The following MYO1C variants were observed in gnomAD, a reference collection of about 807,000 sequenced individuals.
The protein encoded by MYO1C is unconventional myosin-Ic.
A neutral mutation model predicts 150.8 loss-of-function variants in MYO1C; 104 were observed. That is an observed-to-expected ratio of 0.69 (90% confidence interval 0.59 to 0.81). MYO1C has a LOEUF of 0.81. Ranked by LOEUF, MYO1C falls within the 30% of genes least tolerant of loss-of-function variation. The pLI is 0.00. For synonymous variants in MYO1C, 663 were observed against 579.9 expected (o/e 1.14, Z -2.06); for missense variants, 1,504 against 1,435.0 (o/e 1.05, Z -0.78).
intron 3 of MYO1C, 98 bp downstream of exon 3, chr17:1,483,512 C>T (rs535388822): frequency 3.2e-5 from 28 of 869,224 alleles, no homozygotes; most frequent in Middle Eastern, 2.8e-4. Flanking sequence ...AGATGTGGCG[C>T]GGGACGCCAG....
rs754699571 is a variant in MYO1C, at chr17:1,480,817, A to G, written c.696T>C (p.His232=). The G allele has an allele frequency of 2.0e-5, 33 of 1,614,080 alleles. No homozygotes were observed. Among genetic ancestry groups the G allele is most frequent in the Non-Finnish European group, 2.4e-5 (28 of 1,180,006 alleles). The change falls in exon 6 of 32, where the codon CAT becomes CAC. Residue 232 remains histidine, a synonymous_variant. Transcript: ENST00000648651. ...AGAAGATGTGGAAGTTCCGCTCCCC[A>G]TGATTCTGGTGCACCACTCGTGACT... is the stretch of plus-strand genomic sequence containing the variant. ...LEKSRVVHQN[H]GERNFHIFYQ...
intron 5 of MYO1C, among the ~76,000 whole-genome samples, chr17:1,481,813 T>G (rs984694220): frequency 7.1e-6 from 1 of 141,454 alleles, no homozygotes; most frequent in African/African-American, 2.7e-5. Context: ...ATGACTCCCC[T>G]TCTACTCAGA....
At chr17:1,487,459 G>A (rs1034765690) in intron 1 of MYO1C, among the ~76,000 whole-genome samples, 8 of 152,354 alleles carry the variant, frequency 5.3e-5, no homozygotes, top group Admixed American at 2.0e-4. Flanking sequence ...TTGCGGGGAA[G>A]GCTCGTCACT....
At chr17:1,484,838 A>G (rs2074617470) in intron 1 of MYO1C, among the ~76,000 whole-genome samples, 1 of 152,168 alleles carries the variant, frequency 6.6e-6, no homozygotes, top group South Asian at 2.1e-4. Flanking sequence ...CAAATGGCTC[A>G]GGGTCAATTC....
intron 20 of MYO1C, 26 bp from the exon 21 acceptor site, chr17:1,471,173 G>C: frequency 6.2e-7 from 1 of 1,613,900 alleles, no homozygotes; most frequent in Non-Finnish European, 8.5e-7. Context: ...TGATCAGCCC[G>C]GGGTTGCCAC....
At position 1,479,805 on chromosome 17, in the gene MYO1C, G is replaced by A. The variant is rs191466924; in HGVS notation, c.907-100C>T. 618 of 792,160 alleles carry A rather than the reference G, an allele frequency of 7.8e-4. 1 individual carries two copies. Among genetic ancestry groups the A allele is most frequent in the South Asian group, 2.1e-3 (136 of 64,208 alleles). The allele number at this position is 792,160 out of a possible 1,614,324, so 49.1% of individuals were successfully genotyped here. ...ATGCAGGGGTGGGTGGTGAAGTGTC[G>A]GAGAGAAGGGGCTGGAAGTGGGAAT... On this transcript the variant is annotated intron_variant, in intron 7 of 31. Transcript: ENST00000648651. The surrounding 1 kb of genome is among the most constrained non-coding windows in gnomAD (Gnocchi z 4.2).
chr17:1,481,092 C>T (rs1292603209), intron 5 of MYO1C: 2 of 594,712 alleles, frequency 3.4e-6, no homozygotes, highest in Admixed American at 3.0e-5. Context: ...CTCCAACGAC[C>T]TGGCTGCTCC....
intron 1 of MYO1C, among the ~76,000 whole-genome samples, chr17:1,488,919 C>T (rs1408622748): frequency 6.6e-6 from 1 of 152,196 alleles, no homozygotes; most frequent in Non-Finnish European, 1.5e-5. Context: ...CTATCTAGTG[C>T]CCTTCAGCTC....
chr17:1,466,496 A>G (rs1352347331), intron 31 of MYO1C, among the ~76,000 whole-genome samples: 1 of 151,544 alleles, frequency 6.6e-6, no homozygotes, highest in Non-Finnish European at 1.5e-5. Context: ...ACACTCGGCT[A>G]ATTTTGTATT....
rs374006987 is a variant in MYO1C at position 1,479,797 on chromosome 17, G to A, written c.907-92C>T. ...AGATGGCCATGCAGGGGTGGGTGGT[G>A]AAGTGTCGGAGAGAAGGGGCTGGAA... On this transcript the variant is annotated intron_variant, in intron 7 of 31. Coordinates refer to ENST00000648651, the MANE Select transcript of MYO1C (RefSeq NM_001080779.2). The surrounding 1 kb of genome is among the most constrained non-coding windows in gnomAD (Gnocchi z 4.2). The A allele has an allele frequency of 2.3e-6, 2 of 859,634 alleles. No homozygotes were observed. The highest frequency in any genetic ancestry group is 3.3e-5 in the African/African-American group (2 of 60,152). 53.3% of individuals were successfully genotyped at this position (859,634 alleles called of 1,614,324 possible).
In MYO1C at chr17:1,478,422, A is replaced by C; in HGVS notation, c.1283T>G (p.Phe428Cys). 1 of 1,614,204 alleles carries C rather than the reference A, an allele frequency of 6.2e-7. No homozygotes were observed. The highest frequency in any genetic ancestry group is 2.2e-5 in the East Asian group (1 of 44,886). The change falls in exon 11 of 32, where the codon TTT becomes TGT. Residue 428 changes from phenylalanine to cysteine, a missense_variant. Physicochemically the swap from Phe to Cys is radical, Grantham distance 205 (BLOSUM62 -2). Transcript: ENST00000648651. This position sits in a 1 kb window ranked among gnomAD's most constrained non-coding sequence, Gnocchi z 6.3. ...AGATGGCACCGACCTGTTATGCTGA[A>C]ACACTTCAAAGCCATAAATATCCAG... ...GLLDIYGFEV[F>C]QHNSFEQFCI...
Position 1,474,808 on chromosome 17 carries a change from T to G in MYO1C, c.1716+4A>C, listed in dbSNP as rs772560714. 1 of 1,166,430 alleles carries G rather than the reference T, an allele frequency of 8.6e-7. No homozygotes were observed. Among genetic ancestry groups the G allele is most frequent in the Admixed American group, 1.8e-5 (1 of 54,970 alleles). 72.3% of individuals were successfully genotyped at this position (1,166,430 alleles called of 1,614,324 possible). A position where few individuals can be genotyped will look rare whatever the true frequency, so the allele number is the denominator to read the frequency against. Reference sequence around the variant, plus strand: ...CCACCCCGGCCTCCCCACGTCCTCCTCACCTCCTTAAGGTTCCGGAAGAGA... The same window carrying G: ...CCACCCCGGCCTCCCCACGTCCTCCGCACCTCCTTAAGGTTCCGGAAGAGA... On this transcript the variant is annotated splice_donor_region_variant and intron_variant, in intron 16 of 31. Coordinates refer to ENST00000648651, the MANE Select transcript of MYO1C (RefSeq NM_001080779.2).
At chr17:1,483,873 T>C (rs1598345360) in intron 2 of MYO1C, 148 bp from the exon 3 acceptor site, 2 of 731,030 alleles carry the variant, frequency 2.7e-6, no homozygotes, top group East Asian at 5.5e-5. Context: ...GAGAAATCCG[T>C]CTCTACTAAA....
intron 1 of MYO1C, among the ~76,000 whole-genome samples, chr17:1,490,035 CAA>C (rs368349826): frequency 4.4e-4 from 46 of 104,494 alleles, no homozygotes; most frequent in African/African-American, 6.2e-4. Flanking sequence ...GACACTGTCT[CAA>C]AAAAAAAAAA....
At chr17:1,473,908 T>TG (rs977155354) in intron 17 of MYO1C, among the ~76,000 whole-genome samples, 1 of 151,924 alleles carries the variant, frequency 6.6e-6, no homozygotes, top group African/African-American at 2.4e-5. Context: ...CAAAGCACCC[T>TG]GTGCACATGT....
At chr17:1,481,309 G>A in intron 5 of MYO1C, 1 of 242,994 alleles carries the variant, frequency 4.1e-6, no homozygotes, top group Non-Finnish European at 8.2e-6. Context: ...AGCTCATCCT[G>A]CTGCCTTAAC....
Position 1,469,622 on chromosome 17 carries a change from G to C in MYO1C, c.2527-8C>G. ...CCGCAGAAGCTCTGAGGCCTAAGGG[G>C]AGGAGTGAGGTCAGAGGTCCTGGAC... On this transcript the variant is annotated splice_region_variant and splice_polypyrimidine_tract_variant and intron_variant, in intron 24 of 31. Transcript: ENST00000648651. 6.2e-7 allele frequency: 1 copy of C among 1,605,296 alleles called. No individual in the cohort carries two copies. Among genetic ancestry groups the C allele is most frequent in the Non-Finnish European group, 8.5e-7 (1 of 1,173,762 alleles).
At chr17:1,470,876 G>GGCGT in intron 21 of MYO1C, 187 bp from the exon 22 acceptor site, 1 of 881,016 alleles carries the variant, frequency 1.1e-6, no homozygotes, top group Non-Finnish European at 1.8e-6. Context: ...TGGGATGGTG[G>GGCGT]GCGTGGGGCT....
In MYO1C at chr17:1,468,496, G is replaced by T. The variant is rs201838811; in HGVS notation, c.2611C>A (p.Leu871Met). 5.6e-6 allele frequency: 9 copies of T among 1,612,850 alleles called. No individual in the cohort carries two copies. The highest frequency in any genetic ancestry group is 7.6e-6 in the Non-Finnish European group (9 of 1,179,170). ...TCACTAGCCACGGCCTTCTGCTGCA[G>T]CTGAGGAGACAAGGGGGGTGAGGAG... Reference protein sequence around the residue: ...RSISPEWKQQLQQKAVASEIF... With the variant: ...RSISPEWKQQMQQKAVASEIF... Residue 871 changes from leucine to methionine, a missense_variant and splice_region_variant, in exon 26 of 32, where the codon CTG (leucine) becomes ATG (methionine). By Grantham distance (15) the Leu-to-Met change is conservative. Transcript: ENST00000648651.
Sources: allele counts gnomAD v4.1 joint callset (sites outside exome capture counted in the v4.1 genomes callset), GRCh38; gene constraint gnomAD v4.1.1; non-coding constraint Gnocchi (gnomAD v3.1); transcripts MANE v1.5; gene names NCBI Gene and HGNC (gene_info 2026-07-23, HGNC 2026-07-21).